PLPP2: variants seen among roughly 807,000 people sequenced by gnomAD.
PLPP2 encodes the protein phospholipid phosphatase 2, also known as PAP2-gamma.
Under a neutral mutation model 35.2 loss-of-function variants are expected in PLPP2, and 29 were observed. That is an observed-to-expected ratio of 0.82 (90% CI 0.61 to 1.12). The LOEUF (loss-of-function observed/expected upper bound fraction) is 1.12, where lower values mean the gene tolerates loss of function less well. Ranked by LOEUF, PLPP2 falls within the 50% of genes most tolerant of loss-of-function variation. The pLI is 0.00. For missense variants in PLPP2, 353 were observed against 375.2 expected (o/e 0.94, Z 0.49); for synonymous variants, 162 against 167.0 (o/e 0.97, Z 0.23).
chr19:282,779 AAAGG>A lies in PLPP2; in HGVS notation c.509_512del (p.Ser170LeufsTer86), dbSNP rs1485351705. ...CCAAGAACACCATGCAGTACATCCC[AAAGG>A]AAGAGTGTCCCGAGTAGAAAGACAA... is the stretch of plus-strand genomic sequence containing the variant. On this transcript the variant is annotated frameshift_variant, in exon 4 of 6. Transcript: ENST00000434325. LOFTEE classifies it high-confidence loss of function. 2.5e-6 allele frequency: 4 copies of A among 1,613,810 alleles called. No individual in the cohort carries two copies. In the East Asian group the frequency reaches 8.9e-5, roughly 36 times the overall value.
At chr19:283,046 C>T in intron 3 of PLPP2, 1 of 509,788 alleles carries the variant, frequency 2.0e-6, no homozygotes, top group Non-Finnish European at 3.5e-6. Flanking sequence ...AGGCCTGAAC[C>T]CAAAACCCAG....
At position 291,202 on chromosome 19, in the gene PLPP2, G is replaced by C; in HGVS notation, c.52+83C>G. 2.5e-6 allele frequency: 4 copies of C among 1,586,216 alleles called. No individual in the cohort carries two copies. The South Asian group carries it at 3.4e-5, about 14-fold the overall frequency. ...AGGGACGAGGGCGCGCAGCCTCCGC[G>C]TTCCCCTGCAAACTTGCGCGCAGCC... On this transcript the variant is annotated intron_variant, in intron 1 of 5. Transcript: ENST00000434325.
intron 4 of PLPP2, among the ~76,000 whole-genome samples, 163 bp from the exon 5 acceptor site, chr19:282,473 G>A (rs1164948266): frequency 1.7e-5 from 2 of 115,978 alleles, no homozygotes; most frequent in Admixed American, 8.7e-5. Context: ...CTGCACAGAC[G>A]TGTTAGCCTT....
chr19:290,318 G>C (rs1444888953), intron 1 of PLPP2, among the ~76,000 whole-genome samples: 1 of 152,188 alleles, frequency 6.6e-6, no homozygotes, highest in Non-Finnish European at 1.5e-5. Context: ...TTTGTTATTT[G>C]CATGTTGCTT....
At chr19:285,170 A>AT in intron 3 of PLPP2, 1 of 151,536 alleles carries the variant, frequency 6.6e-6, no homozygotes, top group Non-Finnish European at 1.5e-5. Context: ...ACGGTGGCTC[A>AT]GCCTGTAATC....
Position 282,615 on chromosome 19 carries a change from G to A in PLPP2, c.540+137C>T, listed in dbSNP as rs147828568. The A allele has an allele frequency of 9.1e-5, 91 of 1,001,608 alleles. No individual in the cohort carries two copies. In the African/African-American group the frequency reaches 1.1e-3, roughly 12 times the overall value. 62.0% of individuals were successfully genotyped at this position (1,001,608 alleles called of 1,614,324 possible). On this transcript the variant is annotated intron_variant, in intron 4 of 5. Transcript: ENST00000434325. ...AACACTGGTCAGCCCAGGGCCTCCC[G>A]TTTTTATAAACAAATCAGTTAGCCC...
At chr19:289,288 G>A (rs1382303221) in intron 1 of PLPP2, among the ~76,000 whole-genome samples, 1 of 152,198 alleles carries the variant, frequency 6.6e-6, no homozygotes, top group Non-Finnish European at 1.5e-5. Flanking sequence ...TCAGCGGAGG[G>A]GCAGGGAGCC....
In PLPP2 at chr19:282,207, A is replaced by C. The variant is rs1970187189; in HGVS notation, c.644T>G (p.Val215Gly). 1 of 1,613,762 alleles carries C rather than the reference A, an allele frequency of 6.2e-7. No individual in the cohort carries two copies. The highest frequency in any genetic ancestry group is 1.3e-5 in the African/African-American group (1 of 74,844). Residue 215 changes from valine (V) to glycine (G), a missense_variant, in exon 5 of 6, where the codon GTG becomes GGG. By Grantham distance (109) the Val-to-Gly change is moderately radical. Coordinates refer to ENST00000434325, the MANE Select transcript of PLPP2 (RefSeq NM_003712.4). ...GCTCCAGTGGTGTTTGTAATCAGAC[A>C]CGCGGGTGTAGCCCACGTAGAGGGC... ...AFALYVGYTRVSDYKHHWSDV... is the reference protein window; with the variant it reads ...AFALYVGYTRGSDYKHHWSDV...
chr19:284,240 G>T (rs1371588111), intron 3 of PLPP2: 1 of 152,112 alleles, frequency 6.6e-6, no homozygotes, highest in Non-Finnish European at 1.5e-5. Context: ...TGTAGTCCCA[G>T]CTACTTGGGA....
Position 281,256 on chromosome 19 carries a change from C to G in PLPP2, c.*132G>C. Reference sequence around the variant, plus strand: ...GCAGGGCAGGGGGCAGCGGAGCCCGCTCACTGCTCCCATCAGCCCAGGGTT... The same window carrying G: ...GCAGGGCAGGGGGCAGCGGAGCCCGGTCACTGCTCCCATCAGCCCAGGGTT... On this transcript the variant is annotated 3_prime_UTR_variant, in exon 6 of 6. Coordinates refer to ENST00000434325, the MANE Select transcript of PLPP2 (RefSeq NM_003712.4). 1.1e-6 allele frequency: 1 copy of G among 913,570 alleles called. No individual in the cohort carries two copies. The highest frequency in any genetic ancestry group is 1.5e-6 in the Non-Finnish European group (1 of 689,038). The allele number at this position is 913,570 out of a possible 1,614,324, so 56.6% of individuals were successfully genotyped here. A position where few individuals can be genotyped will look rare whatever the true frequency, so the allele number is the denominator to read the frequency against.
At position 288,205 on chromosome 19, in the gene PLPP2, T is replaced by G. The variant is rs146465689; in HGVS notation, c.53-34A>C. 1,908 of 1,542,128 alleles carry G rather than the reference T, an allele frequency of 1.2e-3. 16 individuals carry two copies. The highest frequency in any genetic ancestry group is 5.1e-3 in the East Asian group (223 of 43,802). On this transcript the variant is annotated intron_variant, in intron 1 of 5. Transcript: ENST00000434325. ...GAAGAAAAGCCTGGGAGCTGTGAGG[T>G]TCTCTCACCAGCTGGGCCTTGGGGC...
At position 287,671 on chromosome 19, in the gene PLPP2, T is replaced by C. The variant is rs377110660; in HGVS notation, c.285A>G (p.Val95=). ...ACAGGAAGGTCCCCAGCACCTTGTATACAGCAGCCACGTAGTTGTTGAAGT... is the reference window on the plus strand; with the variant it reads ...ACAGGAAGGTCCCCAGCACCTTGTACACAGCAGCCACGTAGTTGTTGAAGT... ...RSDFNNYVAA[V]YKVLGTFLFG... The change falls in exon 3 of 6, where the codon GTA becomes GTG. Residue 95 remains valine (V), a synonymous_variant. Transcript: ENST00000434325. The surrounding 1 kb of genome is among the most constrained non-coding windows in gnomAD (Gnocchi z 4.3). 9.4e-5 allele frequency: 151 copies of C among 1,613,940 alleles called. No individual in the cohort carries two copies. Among genetic ancestry groups the C allele is most frequent in the Non-Finnish European group, 1.2e-4 (144 of 1,180,032 alleles).
At chr19:291,069 C>T in intron 1 of PLPP2, 1 of 1,327,338 alleles carries the variant, frequency 7.5e-7, no homozygotes, top group Non-Finnish European at 9.6e-7. Context: ...ACCCCCATCC[C>T]CCTGGGCCTG....
At chr19:290,105 T>G (rs561372545) in intron 1 of PLPP2, among the ~76,000 whole-genome samples, 2 of 152,218 alleles carry the variant, frequency 1.3e-5, no homozygotes, top group East Asian at 3.9e-4. Flanking sequence ...GCCCTCACAC[T>G]GCCCTCATGC....
rs774425179 is a variant in PLPP2 at position 287,534 on chromosome 19, G to A, written c.422C>T (p.Ser141Leu). 9.3e-6 allele frequency: 15 copies of A among 1,613,566 alleles called. No homozygotes were observed. The highest frequency in any genetic ancestry group is 1.6e-4 in the Middle Eastern group (1 of 6,084). ...CACCTTCTCCAGCTGCACATAGACC[G>A]AGCAGTTGACCCGGCTCCAGTCGGG... is the stretch of plus-strand genomic sequence containing the variant. ...CDPDWSRVNC[S>L]VYVQLEKVCR... Residue 141 changes from serine to leucine, a missense_variant, in exon 3 of 6, where the codon TCG becomes TTG. Ser to Leu is a moderately radical substitution (Grantham distance 145). Transcript: ENST00000434325. This position sits in a 1 kb window ranked among gnomAD's most constrained non-coding sequence, Gnocchi z 4.3.
chr19:291,219 C>T, intron 1 of PLPP2, 66 bp downstream of exon 1: 1 of 1,589,888 alleles, frequency 6.3e-7, no homozygotes, highest in Non-Finnish European at 8.6e-7. Context: ...TGCAAACTTG[C>T]GCGCAGCCGG....
rs904130319 is a variant in PLPP2, at chr19:282,120, G to A, written c.717+14C>T. On this transcript the variant is annotated intron_variant, in intron 5 of 5. Coordinates refer to ENST00000434325, the MANE Select transcript of PLPP2 (RefSeq NM_003712.4). ...TGGACAACACAGGGGATAGAGTTAG[G>A]GTTAGAAGCTCACAGTGAGGGCAGC... is the stretch of plus-strand genomic sequence containing the variant. 1 of 1,612,674 alleles carries A rather than the reference G, an allele frequency of 6.2e-7. No individual in the cohort carries two copies. The highest frequency in any genetic ancestry group is 1.1e-5 in the South Asian group (1 of 91,012).
Position 287,102 on chromosome 19 carries a change from C to T in PLPP2, c.482+372G>A, listed in dbSNP as rs778176112. 2.1e-5 allele frequency: 4 copies of T among 187,802 alleles called. No homozygotes were observed. Among genetic ancestry groups the T allele is most frequent in the Non-Finnish European group, 4.4e-5 (4 of 90,442 alleles). The allele number at this position is 187,802 out of a possible 1,614,324, so 11.6% of individuals were successfully genotyped here. On this transcript the variant is annotated intron_variant, in intron 3 of 5. Coordinates refer to ENST00000434325, the MANE Select transcript of PLPP2 (RefSeq NM_003712.4). This position sits in a 1 kb window ranked among gnomAD's most constrained non-coding sequence, Gnocchi z 4.3. ...AAAAAATATTCCATGCAAACAATAA[C>T]AAAAAGAGAACCAGAATAGCTATGT...
Position 281,180 on chromosome 19 carries a change from C to T in PLPP2, c.*208G>A, listed in dbSNP as rs1970166832. 7.2e-6 allele frequency: 3 copies of T among 418,766 alleles called. No individual in the cohort carries two copies. The highest frequency in any genetic ancestry group is 1.2e-5 in the Non-Finnish European group (3 of 246,092). The allele number at this position is 418,766 out of a possible 1,614,324, so 25.9% of individuals were successfully genotyped here. A position where few individuals can be genotyped will look rare whatever the true frequency, so the allele number is the denominator to read the frequency against. ...ATTTGGGGACCGACGGGAACAGGTT[C>T]CCCTCCAAATGCTGAGGGCTACCCA... is the stretch of plus-strand genomic sequence containing the variant. On this transcript the variant is annotated 3_prime_UTR_variant, in exon 6 of 6. Transcript: ENST00000434325.
Sources: gnomAD v4.1 joint callset for allele counts (sites outside exome capture counted in the v4.1 genomes callset) on GRCh38, gnomAD v4.1.1 for gene constraint, Gnocchi (gnomAD v3.1) non-coding constraint, MANE v1.5 for transcripts, NCBI Gene and HGNC (gene_info 2026-07-23, HGNC 2026-07-21) for gene names.